EXPH5: variants seen among roughly 807,000 people sequenced by gnomAD.
EXPH5 encodes the protein exophilin-5.
Under a neutral mutation model 41.1 loss-of-function variants are expected in EXPH5, and 42 were observed. The observed-to-expected ratio is 1.02, with a 90% CI of 0.80 to 1.32. EXPH5 has a LOEUF of 1.32. EXPH5 is among the 40% of genes most tolerant of loss of function. The pLI is 0.00. For missense variants in EXPH5, 2,298 were observed against 2,314.5 expected (o/e 0.99, Z 0.15); for synonymous variants, 798 against 833.5 (o/e 0.96, Z 0.73).
chr11:108,518,246 T>C lies in EXPH5; in HGVS notation c.620A>G (p.Glu207Gly), dbSNP rs1324829900. Residue 207 changes from glutamate to glycine, a missense_variant, in exon 5 of 6, where the codon GAG (glutamate) becomes GGG (glycine). Transcript: ENST00000265843. ...ATGCATGAACTTACCTTGGAAAAAC[T>C]CATTCTCCAGCAGTGAAGCATCCCA... Reference protein sequence around the residue: ...PPWDASLLENEFFQVLDDLDS... With the variant: ...PPWDASLLENGFFQVLDDLDS... The C allele has an allele frequency of 6.2e-7, 1 of 1,612,030 alleles. No homozygotes were observed. The highest frequency in any genetic ancestry group is 8.5e-7 in the Non-Finnish European group (1 of 1,179,386).
At chr11:108,542,745 G>C (rs147680488) in intron 1 of EXPH5, among the ~76,000 whole-genome samples, 1 of 152,068 alleles carries the variant, frequency 6.6e-6, no homozygotes, top group Non-Finnish European at 1.5e-5. Flanking sequence ...TTGAGACAGA[G>C]TCTCTCTCTG....
chr11:108,562,848 A>C lies in EXPH5; in HGVS notation c.120-21036T>G, dbSNP rs375962862. ...ACTTGAATAAAAGAAATCACTCATA[A>C]CTCCCACTGTCAGAGATACTGCTGT... On this transcript the variant is annotated intron_variant, in intron 1 of 5. Transcript: ENST00000265843. Among the ~76,000 whole-genome samples, 8 of 150,828 alleles carry C rather than the reference A, an allele frequency of 5.3e-5. No individual in the cohort carries two copies. The East Asian group carries it at 5.8e-4, about 11-fold the overall frequency.
At chr11:108,522,378 G>C in intron 4 of EXPH5, among the ~76,000 whole-genome samples, 1 of 152,020 alleles carries the variant, frequency 6.6e-6, no homozygotes, top group East Asian at 1.9e-4. Context: ...GCTTTATGTG[G>C]GTTACTTTAG....
chr11:108,588,294 C>G (rs1228005904), intron 1 of EXPH5, among the ~76,000 whole-genome samples: 1 of 152,180 alleles, frequency 6.6e-6, no homozygotes, highest in East Asian at 1.9e-4. Flanking sequence ...CAACTTTTAG[C>G]TGAGCATTTG....
intron 1 of EXPH5, among the ~76,000 whole-genome samples, chr11:108,586,254 T>C (rs1014033444): frequency 6.6e-6 from 1 of 152,128 alleles, no homozygotes; most frequent in African/African-American, 2.4e-5. Context: ...CTGGCCAGAA[T>C]GAATTATTTA....
At chr11:108,600,787 C>T in the EXPH5 span, among the ~76,000 whole-genome samples, 2 of 152,168 alleles carry the variant, frequency 1.3e-5, no homozygotes, top group African/African-American at 4.8e-5. Context: ...GGATTCTAGC[C>T]ATCCCTTTTT....
intron 4 of EXPH5, among the ~76,000 whole-genome samples, chr11:108,523,674 C>G (rs971613027): frequency 5.3e-5 from 8 of 152,172 alleles, no homozygotes; most frequent in African/African-American, 1.9e-4. Flanking sequence ...GAGTTCAAGA[C>G]CAGCCTGGGC....
At chr11:108,521,070 A>C (rs1038180370) in intron 4 of EXPH5, among the ~76,000 whole-genome samples, 1 of 151,720 alleles carries the variant, frequency 6.6e-6, no homozygotes, top group African/African-American at 2.4e-5. Flanking sequence ...CTCATCCTGC[A>C]CTCATCCACT....
chr11:108,529,500 A>G (rs1044631316), intron 3 of EXPH5, among the ~76,000 whole-genome samples: 1 of 152,066 alleles, frequency 6.6e-6, no homozygotes, highest in African/African-American at 2.4e-5. Flanking sequence ...GTCTGGCATA[A>G]TCTTTTAAAT....
upstream of EXPH5, among the ~76,000 whole-genome samples, chr11:108,594,365 C>T (rs570507092): frequency 1.4e-4 from 22 of 152,244 alleles, no homozygotes; most frequent in Middle Eastern, 3.4e-3. Context: ...AGCCCAGAAG[C>T]AAAGGACTGT....
intron 1 of EXPH5, among the ~76,000 whole-genome samples, chr11:108,544,412 C>T (rs12272105): frequency 0.014 from 2,142 of 152,286 alleles, 48 homozygotes; most frequent in African/African-American, 0.048. Flanking sequence ...AAGCGATCCT[C>T]CCACTTCAGC....
At chr11:108,582,326 G>A (rs1438725097) in intron 1 of EXPH5, among the ~76,000 whole-genome samples, 9 of 152,230 alleles carry the variant, frequency 5.9e-5, no homozygotes, top group Middle Eastern at 3.4e-3. Context: ...TTAGCTGGGC[G>A]TGGTGGCACA....
At chr11:108,520,728 G>T (rs886986142) in intron 4 of EXPH5, among the ~76,000 whole-genome samples, 3 of 151,550 alleles carry the variant, frequency 2.0e-5, no homozygotes, top group Non-Finnish European at 4.4e-5. Context: ...CACCATGCCT[G>T]GCTAATTTTT....
Position 108,518,357 on chromosome 11 carries a change from T to C in EXPH5, c.509A>G (p.Asn170Ser), listed in dbSNP as rs878948028. Reference protein sequence around the residue: ...RGAAVQAKIYNSPLENHLVDS... With the variant: ...RGAAVQAKIYSSPLENHLVDS... Reference sequence around the variant, plus strand: ...AACTAGATGATTTTCCAGAGGTGAATTGTATATTTTTGCCTGCTAATTTTA... The same window carrying C: ...AACTAGATGATTTTCCAGAGGTGAACTGTATATTTTTGCCTGCTAATTTTA... Residue 170 changes from asparagine to serine, a missense_variant, in exon 5 of 6, where the codon AAT (asparagine) becomes AGT (serine). By Grantham distance (46) the Asn-to-Ser change is conservative. Transcript: ENST00000265843. The C allele has an allele frequency of 6.2e-7, 1 of 1,613,704 alleles. No individual in the cohort carries two copies. Among genetic ancestry groups the C allele is most frequent in the Non-Finnish European group, 8.5e-7 (1 of 1,179,882 alleles).
upstream of EXPH5, among the ~76,000 whole-genome samples, chr11:108,597,855 G>A (rs774437776): frequency 5.3e-5 from 8 of 152,076 alleles, no homozygotes; most frequent in Non-Finnish European, 7.4e-5. Context: ...AAAACTATTA[G>A]AACTAAAGAA....
chr11:108,585,490 A>G lies in EXPH5; in HGVS notation c.119+7928T>C, dbSNP rs371776727. Among the ~76,000 whole-genome samples, 14 of 152,292 alleles carry G rather than the reference A, an allele frequency of 9.2e-5. No homozygotes were observed. The East Asian group carries it at 2.1e-3, about 23-fold the overall frequency. On this transcript the variant is annotated intron_variant, in intron 1 of 5. Coordinates refer to ENST00000265843, the MANE Select transcript of EXPH5 (RefSeq NM_015065.3). ...TGAGGACACAGAAAAGGCACCCTCT[A>G]TGAGGAGGGGGACTTCACCAAACAC...
At chr11:108,549,727 G>C (rs927499099) in intron 1 of EXPH5, among the ~76,000 whole-genome samples, 1 of 152,186 alleles carries the variant, frequency 6.6e-6, no homozygotes, top group African/African-American at 2.4e-5. Flanking sequence ...CCCAGGAGTA[G>C]TGTCAGGTTC....
At position 108,512,834 on chromosome 11, in the gene EXPH5, C is replaced by T. The variant is rs116658247; in HGVS notation, c.2673G>A (p.Lys891=). 1.5e-5 allele frequency: 24 copies of T among 1,614,044 alleles called. No homozygotes were observed. Among genetic ancestry groups the T allele is most frequent in the Non-Finnish European group, 1.9e-5 (22 of 1,180,024 alleles). The change falls in exon 6 of 6, where the codon AAG becomes AAA. Residue 891 remains lysine (K), a synonymous_variant. Coordinates refer to ENST00000265843, the MANE Select transcript of EXPH5 (RefSeq NM_015065.3). ...SAALPDSSPS[K]NSSLDAPVVP... is the part of the protein sequence containing the mutation. ...CCACAGGAGCATCAAGGGAAGAATT[C>T]TTTGATGGTGAGGAATCTGGTAGTG...
At chr11:108,555,726 T>C (rs542805306) in intron 1 of EXPH5, among the ~76,000 whole-genome samples, 5 of 152,156 alleles carry the variant, frequency 3.3e-5, no homozygotes, top group African/African-American at 7.2e-5. Context: ...TCTCAGGAGA[T>C]CTTATGGTTT....
Sources: allele counts gnomAD v4.1 joint callset (sites outside exome capture counted in the v4.1 genomes callset), GRCh38; gene constraint gnomAD v4.1.1; transcripts MANE v1.5; gene names NCBI Gene and HGNC (gene_info 2026-07-23, HGNC 2026-07-21).